The following CFAP43 variants were observed in gnomAD, a reference collection of about 807,000 sequenced individuals.
The protein encoded by CFAP43 is cilia- and flagella-associated protein 43.
CFAP43 carries 155 observed loss-of-function variants against 218.9 expected under a neutral mutation model. The observed-to-expected ratio is 0.71, with a 90% CI of 0.62 to 0.81. CFAP43 has a LOEUF of 0.81. Among genes scored for constraint, CFAP43 ranks in the 30% least tolerant of loss-of-function variants. The pLI is 0.00. For synonymous variants in CFAP43, 645 were observed against 681.3 expected (o/e 0.95, Z 0.83); for missense variants, 1,778 against 1,954.3 (o/e 0.91, Z 1.70).
At chr10:104,142,107 G>A (rs941110352) in intron 33 of CFAP43, among the ~76,000 whole-genome samples, 174 bp downstream of exon 33, 1 of 152,198 alleles carries the variant, frequency 6.6e-6, no homozygotes, top group Non-Finnish European at 1.5e-5. Context: ...GTTCCATCCT[G>A]AATCAAGGTC....
At chr10:104,133,414 A>G in intron 35 of CFAP43, 1 of 477,278 alleles carries the variant, frequency 2.1e-6, no homozygotes, top group Non-Finnish European at 3.6e-6. Flanking sequence ...AGCTCTGAGT[A>G]GAATGATTCT....
chr10:104,219,967 C>T lies in CFAP43; in HGVS notation c.416+5494G>A, dbSNP rs138727724. Among the ~76,000 whole-genome samples, 827 of 152,254 alleles carry T rather than the reference C, an allele frequency of 5.4e-3. 6 individuals are homozygous for T. Among genetic ancestry groups the T allele is most frequent in the Middle Eastern group, 0.027 (8 of 294 alleles). On this transcript the variant is annotated intron_variant, in intron 3 of 37. Coordinates refer to ENST00000357060, the MANE Select transcript of CFAP43 (RefSeq NM_025145.7). ...CCAAATTCCCGTGTTAATATCCTAA[C>T]CCCCAGCACCTCAGAATGTGACCTT...
Position 104,164,195 on chromosome 10 carries a change from G to A in CFAP43, c.3145C>T (p.Arg1049Ter), listed in dbSNP as rs761189614. ...ARVKERNVRIREIILDLELEE... is the reference protein window; with the variant it reads ...ARVKERNVRI Reference sequence around the variant, plus strand: ...AATTCCAGATCTAAAATAATTTCTCGAATTCGAACATTTCTTTCCTTCACG... The same window carrying A: ...AATTCCAGATCTAAAATAATTTCTCAAATTCGAACATTTCTTTCCTTCACG... Residue 1049 changes from arginine to a stop codon, truncating the protein, a stop_gained, in exon 24 of 38, where the codon CGA becomes TGA. Coordinates refer to ENST00000357060, the MANE Select transcript of CFAP43 (RefSeq NM_025145.7). LOFTEE classifies it high-confidence loss of function. The A allele has an allele frequency of 8.7e-6, 14 of 1,613,900 alleles. No homozygotes were observed. In the South Asian group the frequency reaches 8.8e-5, roughly 10 times the overall value.
chr10:104,130,426 G>A (rs12260034), intron 37 of CFAP43, 121 bp from the exon 38 acceptor site: 183,298 of 1,109,584 alleles, frequency 0.17, 15,664 homozygotes, highest in South Asian at 0.19. Context: ...GCACTTGTAT[G>A]TTTACAGCAG....
At position 104,130,090 on chromosome 10, in the gene CFAP43, A is replaced by G; in HGVS notation, c.*49T>C. 6.5e-7 allele frequency: 1 copy of G among 1,528,786 alleles called. No homozygotes were observed. Among genetic ancestry groups the G allele is most frequent in the Non-Finnish European group, 8.8e-7 (1 of 1,142,724 alleles). 94.7% of individuals were successfully genotyped at this position (1,528,786 alleles called of 1,614,324 possible). ...AAGGAAATCATTTTACCCAAATGAAATGATTTTTTAAATGATTGATTTGGC... is the reference window on the plus strand; with the variant it reads ...AAGGAAATCATTTTACCCAAATGAAGTGATTTTTTAAATGATTGATTTGGC... On this transcript the variant is annotated 3_prime_UTR_variant, in exon 38 of 38. Transcript: ENST00000357060.
rs2134769238 is a variant in CFAP43, at chr10:104,149,363, T to C, written c.3661-1365A>G. Among the ~76,000 whole-genome samples the C allele has an allele frequency of 2.0e-5, 3 of 152,334 alleles. 1 individual carries two copies. Among genetic ancestry groups the C allele is most frequent in the Middle Eastern group, 6.8e-3 (2 of 294 alleles). On this transcript the variant is annotated intron_variant, in intron 28 of 37. Coordinates refer to ENST00000357060, the MANE Select transcript of CFAP43 (RefSeq NM_025145.7). Reference sequence around the variant, plus strand: ...CAAAATGGTGAAAATCTGGTTTTAGTTTCCCTTTTCACTTATTAATTGAAA... The same window carrying C: ...CAAAATGGTGAAAATCTGGTTTTAGCTTCCCTTTTCACTTATTAATTGAAA...
rs868065558 is a variant in CFAP43 at position 104,211,812 on chromosome 10, G to A, written c.735+195C>T. On this transcript the variant is annotated intron_variant, in intron 5 of 37. Transcript: ENST00000357060. ...GCCCCCTGTCTCTGTTAGCAATGCC[G>A]TCATCATCCCAGTCATCCAAACTCA... is the stretch of plus-strand genomic sequence containing the variant. 1.1e-4 allele frequency among the ~76,000 whole-genome samples: 16 copies of A among 152,066 alleles called. No homozygotes were observed. In the South Asian group the frequency reaches 1.5e-3, roughly 14 times the overall value.
intron 34 of CFAP43, among the ~76,000 whole-genome samples, chr10:104,134,806 G>T (rs1851006721): frequency 6.6e-6 from 1 of 152,120 alleles, no homozygotes. Context: ...AACATTTAAA[G>T]AAAAATTACA....
intron 11 of CFAP43, chr10:104,192,592 GCTTT>G: frequency 3.1e-6 from 1 of 324,258 alleles, no homozygotes. Flanking sequence ...TGTCGGTAGA[GCTTT>G]CTTGATGTTT....
chr10:104,137,184 AC>A (rs561233466), intron 34 of CFAP43, among the ~76,000 whole-genome samples: 6 of 152,212 alleles, frequency 3.9e-5, no homozygotes, highest in Non-Finnish European at 8.8e-5. Context: ...AGTTATAGGC[AC>A]CACAATAGCC....
chr10:104,230,574 G>A lies in CFAP43; in HGVS notation c.319+16C>T. 1 of 1,606,498 alleles carries A rather than the reference G, an allele frequency of 6.2e-7. No homozygotes were observed. The highest frequency in any genetic ancestry group is 8.5e-7 in the Non-Finnish European group (1 of 1,177,110). ...AATCCTTCAATTATGGGCAGAGGAA[G>A]GGTTCTCTAGAATACCTTTCAATTT... On this transcript the variant is annotated intron_variant, in intron 2 of 37. Coordinates refer to ENST00000357060, the MANE Select transcript of CFAP43 (RefSeq NM_025145.7).
intron 8 of CFAP43, among the ~76,000 whole-genome samples, chr10:104,198,973 T>C (rs2134935151): frequency 6.6e-6 from 1 of 152,288 alleles, no homozygotes; most frequent in East Asian, 1.9e-4. Flanking sequence ...ATTTTTTAAT[T>C]TACAAAACAT....
intron 4 of CFAP43, among the ~76,000 whole-genome samples, chr10:104,213,706 T>A (rs543777821): frequency 6.6e-6 from 1 of 152,254 alleles, no homozygotes; most frequent in Admixed American, 6.5e-5. Context: ...CGGCTAATTT[T>A]TTGTATTTTT....
At chr10:104,200,381 C>G (rs1251458983) in intron 8 of CFAP43, among the ~76,000 whole-genome samples, 1 of 151,500 alleles carries the variant, frequency 6.6e-6, no homozygotes, top group Non-Finnish European at 1.5e-5. Context: ...ACAAAGGTAA[C>G]TTTAGAGAAA....
chr10:104,131,530 A>T (rs746365514), intron 36 of CFAP43, 46 bp from the exon 37 acceptor site: 1 of 1,566,268 alleles, frequency 6.4e-7, no homozygotes, highest in South Asian at 1.2e-5. Context: ...AATTTTGAAA[A>T]ATGTAATTTA....
chr10:104,162,487 A>G lies in CFAP43; in HGVS notation c.3247-84T>C. 5.0e-6 allele frequency: 6 copies of G among 1,202,016 alleles called. No homozygotes were observed. In the South Asian group the frequency reaches 7.3e-5, roughly 15 times the overall value. 74.5% of individuals were successfully genotyped at this position (1,202,016 alleles called of 1,614,324 possible). On this transcript the variant is annotated intron_variant, in intron 24 of 37. Transcript: ENST00000357060. ...CTTCCACATACTGGGAGGAGGCTGG[A>G]AGATACTAAGGGGATTAAAGGGACT...
Position 104,207,658 on chromosome 10 carries a change from T to A in CFAP43, c.895+7A>T. 5.0e-6 allele frequency: 8 copies of A among 1,611,108 alleles called. No homozygotes were observed. The highest frequency in any genetic ancestry group is 6.8e-6 in the Non-Finnish European group (8 of 1,178,682). ...ATACAGGAATATGAAGTAGGACAGT[T>A]TCTTACCCAATGGCGATTCCTCTTC... On this transcript the variant is annotated splice_region_variant and intron_variant, in intron 6 of 37. Coordinates refer to ENST00000357060, the MANE Select transcript of CFAP43 (RefSeq NM_025145.7).
intron 23 of CFAP43, among the ~76,000 whole-genome samples, chr10:104,165,044 T>G (rs2089082334): frequency 6.6e-6 from 1 of 152,206 alleles, no homozygotes; most frequent in African/African-American, 2.4e-5. Context: ...AAAGAAGAGA[T>G]AGTTTGTAGA....
Position 104,179,028 on chromosome 10 carries a change from C to A in CFAP43, c.2460+1G>T. The A allele has an allele frequency of 6.2e-7, 1 of 1,608,446 alleles. No homozygotes were observed. Among genetic ancestry groups the A allele is most frequent in the South Asian group, 1.1e-5 (1 of 90,772 alleles). On this transcript the variant is annotated splice_donor_variant, in intron 19 of 37. Coordinates refer to ENST00000357060, the MANE Select transcript of CFAP43 (RefSeq NM_025145.7). LOFTEE classifies it high-confidence loss of function. ...TTAGAATATGAAATTACAACACTTA[C>A]AGTTTTGGAAAGTGATTTGATTCCT...
Sources: allele counts gnomAD v4.1 joint callset (sites outside exome capture counted in the v4.1 genomes callset), GRCh38; gene constraint gnomAD v4.1.1; transcripts MANE v1.5; gene names NCBI Gene and HGNC (gene_info 2026-07-23, HGNC 2026-07-21).